The following DLGAP5 variants were observed in gnomAD, a reference collection of about 807,000 sequenced individuals.
DLGAP5 encodes disks large-associated protein 5.
Under a neutral mutation model 99.6 loss-of-function variants are expected in DLGAP5, and 90 were observed. The observed-to-expected ratio is 0.90, with a 90% CI of 0.76 to 1.08. DLGAP5 has a LOEUF of 1.08. DLGAP5 is among the 50% of genes least tolerant of loss of function. The probability of loss-of-function intolerance (pLI) is 0.00; values close to 1 mark genes in which losing one functional copy is unlikely to be tolerated. For synonymous variants in DLGAP5, 311 were observed against 321.3 expected (o/e 0.97, Z 0.34); for missense variants, 1,036 against 983.5 (o/e 1.05, Z -0.71).
intron 4 of DLGAP5, among the ~76,000 whole-genome samples, chr14:55,182,119 A>G (rs1883297042): frequency 6.6e-6 from 1 of 152,238 alleles, no homozygotes; most frequent in African/African-American, 2.4e-5. Context: ...GGAATGCATA[A>G]TAGGAGCCCA....
intron 2 of DLGAP5, among the ~76,000 whole-genome samples, chr14:55,188,679 GA>G (rs1289037738): frequency 1.3e-5 from 2 of 151,238 alleles, no homozygotes; most frequent in African/African-American, 2.4e-5. Context: ...TTGGGAGGCT[GA>G]GGCAAGATAA....
chr14:55,185,547 C>T (rs761138768), intron 2 of DLGAP5, among the ~76,000 whole-genome samples: 7 of 151,924 alleles, frequency 4.6e-5, no homozygotes, highest in African/African-American at 1.2e-4. Flanking sequence ...AGTGCAGTGG[C>T]GCAATCTTGG....
intron 18 of DLGAP5, among the ~76,000 whole-genome samples, chr14:55,149,080 A>G (rs1473395977): frequency 6.6e-6 from 1 of 152,224 alleles, no homozygotes; most frequent in Non-Finnish European, 1.5e-5. Flanking sequence ...TCTAAATACT[A>G]ATATTTACAG....
At chr14:55,169,000 C>T (rs1441388075) in intron 12 of DLGAP5, among the ~76,000 whole-genome samples, 1 of 151,796 alleles carries the variant, frequency 6.6e-6, no homozygotes, top group South Asian at 2.1e-4. Context: ...CACGGTGAAA[C>T]TCCGTCTCTA....
At chr14:55,163,097 AC>A in intron 12 of DLGAP5, 22 bp from the exon 13 acceptor site, 2 of 1,476,772 alleles carry the variant, frequency 1.4e-6, no homozygotes, top group Non-Finnish European at 9.3e-7. Flanking sequence ...GCACAAGTTT[AC>A]CAGATTAATG....
intron 9 of DLGAP5, 23 bp from the exon 10 acceptor site, chr14:55,175,495 C>T (rs1338252370): frequency 8.6e-7 from 1 of 1,168,878 alleles, no homozygotes; most frequent in Non-Finnish European, 1.2e-6. Flanking sequence ...GAAAATCTTA[C>T]ATATAAATTT....
At chr14:55,170,025 C>A (rs12894722) in intron 11 of DLGAP5, among the ~76,000 whole-genome samples, 45 of 152,210 alleles carry the variant, frequency 3.0e-4, no homozygotes, top group Non-Finnish European at 2.9e-4. Context: ...ATCCCAGCCA[C>A]TTGGGAGGCT....
rs1405190195 is a variant in DLGAP5, at chr14:55,177,238, T to G, written c.873A>C (p.Glu291Asp). 4 of 1,613,510 alleles carry G rather than the reference T, an allele frequency of 2.5e-6. No homozygotes were observed. Among genetic ancestry groups the G allele is most frequent in the Non-Finnish European group, 3.4e-6 (4 of 1,179,868 alleles). Residue 291 changes from glutamate (E) to aspartate (D), a missense_variant, in exon 8 of 19, where the codon GAA becomes GAC. Physicochemically the swap from Glu to Asp is conservative, Grantham distance 45 (BLOSUM62 2). Transcript: ENST00000247191. ...MNPDGVLSKM[E>D]NLPEINTAKI... ...TTGCAGTATTTATCTCAGGTAAGTT[T>G]TCCATTTTTGATAAGACTCCATCTG...
intron 14 of DLGAP5, among the ~76,000 whole-genome samples, chr14:55,156,101 AAG>A (rs1193610359): frequency 6.6e-6 from 1 of 152,032 alleles, no homozygotes; most frequent in Non-Finnish European, 1.5e-5. Flanking sequence ...AAAAAAAAAA[AAG>A]AAAGAAAAAT....
At chr14:55,181,165 T>C (rs781597223) in intron 5 of DLGAP5, 48 bp downstream of exon 5, 5 of 1,537,056 alleles carry the variant, frequency 3.3e-6, no homozygotes, top group Admixed American at 1.9e-5. Flanking sequence ...AAAAAAATTA[T>C]GGCTGTGGTA....
At chr14:55,182,270 A>T in intron 4 of DLGAP5, 100 bp downstream of exon 4, 1 of 1,006,338 alleles carries the variant, frequency 9.9e-7, no homozygotes, top group Non-Finnish European at 1.5e-6. Flanking sequence ...CTAGTAAATT[A>T]ATCATTATGT....
chr14:55,177,019 A>T, intron 8 of DLGAP5, 43 bp downstream of exon 8: 1 of 991,734 alleles, frequency 1.0e-6, no homozygotes. Context: ...GGCATTTATT[A>T]CCCATCTTAG....
intron 6 of DLGAP5, 23 bp from the exon 7 acceptor site, chr14:55,179,722 A>T: frequency 6.3e-7 from 1 of 1,575,686 alleles, no homozygotes; most frequent in Non-Finnish European, 8.7e-7. Context: ...TAAAATATTT[A>T]TTTTACTAGA....
At chr14:55,180,854 G>A in intron 5 of DLGAP5, 76 bp from the exon 6 acceptor site, 1 of 1,513,300 alleles carries the variant, frequency 6.6e-7, no homozygotes, top group Non-Finnish European at 8.8e-7. Flanking sequence ...AGGCATGGTA[G>A]TGCAATGCCT....
chr14:55,151,602 T>A (rs1024953673), intron 17 of DLGAP5, 93 bp downstream of exon 17: 10 of 1,273,506 alleles, frequency 7.9e-6, no homozygotes, highest in African/African-American at 3.0e-5. Flanking sequence ...TAGTTAGATC[T>A]AATGTAAAAT....
chr14:55,165,476 T>C lies in DLGAP5; in HGVS notation c.1549-2401A>G, dbSNP rs149676032. 8.4e-4 allele frequency among the ~76,000 whole-genome samples: 127 copies of C among 152,094 alleles called. 1 individual carries two copies. The East Asian group carries it at 0.011, about 13-fold the overall frequency. On this transcript the variant is annotated intron_variant, in intron 12 of 18. Coordinates refer to ENST00000247191, the MANE Select transcript of DLGAP5 (RefSeq NM_014750.5). The stretch of plus-strand genomic sequence containing the variant: ...AAGTGGAGGTTGCAGTGAGGTGAGA[T>C]TGTGCCAATGCACTCCAGCCTGGGT...
At chr14:55,189,750 C>T (rs370378889) in intron 1 of DLGAP5, among the ~76,000 whole-genome samples, 2 of 152,194 alleles carry the variant, frequency 1.3e-5, no homozygotes, top group Admixed American at 6.5e-5. Context: ...TGTTTAGGAA[C>T]CTTCATGTAT....
intron 15 of DLGAP5, among the ~76,000 whole-genome samples, chr14:55,153,136 T>A (rs901030720): frequency 6.6e-6 from 1 of 152,198 alleles, no homozygotes; most frequent in African/African-American, 2.4e-5. Context: ...GTTACAATGT[T>A]CTTAAGTCTG....
At chr14:55,175,537 A>G in intron 9 of DLGAP5, 65 bp from the exon 10 acceptor site, 4 of 972,856 alleles carry the variant, frequency 4.1e-6, no homozygotes, top group Non-Finnish European at 6.0e-6. Context: ...GACAGCCCCT[A>G]AAAAGACATT....
Sources: allele counts gnomAD v4.1 joint callset (sites outside exome capture counted in the v4.1 genomes callset), GRCh38; gene constraint gnomAD v4.1.1; transcripts MANE v1.5; gene names NCBI Gene and HGNC (gene_info 2026-07-23, HGNC 2026-07-21).